The following FRMD4B variants were observed in gnomAD, a reference collection of about 807,000 sequenced individuals.
FRMD4B encodes FERM domain containing 4B.
Under a neutral mutation model 141.5 loss-of-function variants are expected in FRMD4B, and 74 were observed. The observed-to-expected ratio is 0.52, with a 90% confidence interval of 0.43 to 0.63. The LOEUF is 0.63. Among genes scored for constraint, FRMD4B ranks in the 30% least tolerant of loss-of-function variants. The probability of loss-of-function intolerance (pLI) is 0.00; values close to 1 mark genes in which losing one functional copy is unlikely to be tolerated. For synonymous variants in FRMD4B, 506 were observed against 467.9 expected, an observed-to-expected ratio of 1.08 and a Z score of -1.05; for missense variants, 1,366 against 1,253.4, an observed-to-expected ratio of 1.09 and a Z score of -1.36.
intron 1 of FRMD4B, among the ~76,000 whole-genome samples, chr3:69,503,491 C>T (rs563389278): frequency 3.8e-4 from 50 of 130,910 alleles, no homozygotes; most frequent in Admixed American, 2.5e-3. Flanking sequence ...ACAAGGAGAA[C>T]ACTTGGACAC....
intron 11 of FRMD4B, among the ~76,000 whole-genome samples, chr3:69,215,284 C>CTTTGTTTTTTTTTTTTT (rs2093128928): frequency 2.2e-5 from 1 of 45,208 alleles, no homozygotes; most frequent in Non-Finnish European, 4.3e-5. Flanking sequence ...TTGTGACCCT[C>CTTTGTTTTTTTTTTTTT]TTTTTTTTTT....
At chr3:69,221,439 C>T (rs2093193973) in intron 9 of FRMD4B, among the ~76,000 whole-genome samples, 1 of 152,110 alleles carries the variant, frequency 6.6e-6, no homozygotes, top group Non-Finnish European at 1.5e-5. Flanking sequence ...TTTTATTTGG[C>T]TAACATTGCA....
At position 69,260,616 on chromosome 3, in the gene FRMD4B, G is replaced by A. The variant is rs146065860; in HGVS notation, c.502-10517C>T. Among the ~76,000 whole-genome samples, 12 of 152,370 alleles carry A rather than the reference G, an allele frequency of 7.9e-5. No individual in the cohort carries two copies. In the East Asian group the frequency reaches 1.5e-3, roughly 20 times the overall value. ...TGGGCGCCGCCTGGTCCCATCGACCGCCTAAGGGCTGAGGAGTGCAGGCGC... is the reference window on the plus strand; with the variant it reads ...TGGGCGCCGCCTGGTCCCATCGACCACCTAAGGGCTGAGGAGTGCAGGCGC... On this transcript the variant is annotated intron_variant, in intron 5 of 22. Coordinates refer to ENST00000398540, the MANE Select transcript of FRMD4B (RefSeq NM_015123.3).
chr3:69,231,857 T>A (rs1024249464), intron 7 of FRMD4B, among the ~76,000 whole-genome samples: 1 of 152,190 alleles, frequency 6.6e-6, no homozygotes, highest in Non-Finnish European at 1.5e-5. Context: ...GTTTCCATAG[T>A]TTAGGATCAA....
intron 1 of FRMD4B, among the ~76,000 whole-genome samples, chr3:69,366,060 A>AACACAC (rs4063529): frequency 0.015 from 1,951 of 127,156 alleles, 25 homozygotes; most frequent in Non-Finnish European, 0.019. Flanking sequence ...ACCTCTACAA[A>AACACAC]ACACACACAC....
chr3:69,420,740 T>A (rs1438505975), intron 2 of FRMD4B, among the ~76,000 whole-genome samples: 1 of 152,180 alleles, frequency 6.6e-6, no homozygotes, highest in African/African-American at 2.4e-5. Context: ...TGTGTGGATT[T>A]AAGTGGGTAG....
intron 19 of FRMD4B, among the ~76,000 whole-genome samples, chr3:69,185,505 C>T (rs1276139833): frequency 2.0e-5 from 3 of 152,018 alleles, no homozygotes; most frequent in Admixed American, 6.6e-5. Context: ...TGTGGTATAA[C>T]ATGTTCACTG....
intron 1 of FRMD4B, among the ~76,000 whole-genome samples, chr3:69,504,364 A>C (rs1202473662): frequency 2.0e-5 from 3 of 152,170 alleles, no homozygotes; most frequent in African/African-American, 7.2e-5. Flanking sequence ...TAAAGTGTAC[A>C]ATTCAATGGT....
At chr3:69,369,630 A>G (rs1231156159) in intron 1 of FRMD4B, among the ~76,000 whole-genome samples, 2 of 152,190 alleles carry the variant, frequency 1.3e-5, no homozygotes, top group Non-Finnish European at 2.9e-5. Flanking sequence ...TCATTCCCAA[A>G]AAGAATTTGA....
rs751807765 is a variant in FRMD4B at position 69,221,876 on chromosome 3, C to T, written c.713G>A (p.Arg238Gln). The change falls in exon 9 of 23, where the codon CGA becomes CAA. Residue 238 changes from arginine to glutamine, a missense_variant. By Grantham distance (43) the Arg-to-Gln change is conservative. Transcript: ENST00000398540. ...TACTTACTGAACCACAGCTTGACCT[C>T]GAGTGAGACCTTTGATTTTCAAATA... is the stretch of plus-strand genomic sequence containing the variant. ...EHYLKIKGLT[R>Q]GQAVVQYMKI... 45 of 1,562,524 alleles carry T rather than the reference C, an allele frequency of 2.9e-5. No individual in the cohort carries two copies. The highest frequency in any genetic ancestry group is 5.2e-5 in the Admixed American group (3 of 57,894).
intron 5 of FRMD4B, among the ~76,000 whole-genome samples, chr3:69,254,891 T>C (rs2093483811): frequency 6.6e-6 from 1 of 151,930 alleles, no homozygotes; most frequent in Admixed American, 6.6e-5. Context: ...GATCCAGTCA[T>C]GAGGAACCAT....
At chr3:69,487,377 T>C (rs2107010163) in intron 1 of FRMD4B, among the ~76,000 whole-genome samples, 1 of 152,328 alleles carries the variant, frequency 6.6e-6, no homozygotes, top group East Asian at 1.9e-4. Context: ...GGATCTTAAA[T>C]ATTAGCTAAG....
intron 1 of FRMD4B, among the ~76,000 whole-genome samples, chr3:69,385,340 C>G (rs1704222958): frequency 6.6e-6 from 1 of 152,134 alleles, no homozygotes. Context: ...TCAGCTTTTC[C>G]TGGCTCTGCC....
rs1169584495 is a variant in FRMD4B, at chr3:69,496,637, A to AAGAGAGAGAGAGAG, written c.-129+45555_-129+45568dup. ...TGAGAGAGAGAGAGAGAGAGAGAGAAAGAGAGAGAGAGAGAGAGAGAGAGA... is the reference window on the plus strand; with the variant it reads ...TGAGAGAGAGAGAGAGAGAGAGAGAAAGAGAGAGAGAGAGAGAGAGAGAGAGAGAGAGAGAGAGA... On this transcript the variant is annotated intron_variant, in intron 1 of 5. Transcript: ENST00000459638. Among the ~76,000 whole-genome samples the AAGAGAGAGAGAGAG allele has an allele frequency of 5.7e-4, 32 of 56,514 alleles. 1 individual carries two copies. The highest frequency in any genetic ancestry group is 1.1e-3 in the Admixed American group (5 of 4,672). The allele number at this position is 56,514 out of a possible 152,430, so 37.1% of individuals were successfully genotyped here.
chr3:69,272,959 C>T (rs1442900342), intron 5 of FRMD4B, among the ~76,000 whole-genome samples: 1 of 152,082 alleles, frequency 6.6e-6, no homozygotes, highest in African/African-American at 2.4e-5. Flanking sequence ...TTAGGAGAAC[C>T]CTTCTCAGAA....
chr3:69,225,130 T>C (rs961678974), intron 7 of FRMD4B, among the ~76,000 whole-genome samples: 12 of 152,186 alleles, frequency 7.9e-5, no homozygotes, highest in African/African-American at 2.9e-4. Context: ...AAAAGGTTTA[T>C]GTAGTCTTTT....
At position 69,238,617 on chromosome 3, in the gene FRMD4B, C is replaced by G. The variant is rs140932124; in HGVS notation, c.581+10609G>C. Reference sequence around the variant, plus strand: ...TAGGCAACACAGTGAAATCTCATCTCTATGGAAAATACAAAAATTAATCAG... The same window carrying G: ...TAGGCAACACAGTGAAATCTCATCTGTATGGAAAATACAAAAATTAATCAG... On this transcript the variant is annotated intron_variant, in intron 7 of 22. Transcript: ENST00000398540. Among the ~76,000 whole-genome samples, 23 of 152,262 alleles carry G rather than the reference C, an allele frequency of 1.5e-4. No homozygotes were observed. The East Asian group carries it at 4.4e-3, about 29-fold the overall frequency.
chr3:69,191,740 A>C (rs1037311132), intron 17 of FRMD4B, among the ~76,000 whole-genome samples: 9 of 152,222 alleles, frequency 5.9e-5, no homozygotes, highest in Non-Finnish European at 1.3e-4. Flanking sequence ...AATTTTGCAC[A>C]GTTTGAGGAT....
chr3:69,424,536 C>A (rs1705045681), intron 2 of FRMD4B, among the ~76,000 whole-genome samples: 1 of 152,110 alleles, frequency 6.6e-6, no homozygotes, highest in African/African-American at 2.4e-5. Flanking sequence ...ATATAAGAAG[C>A]AAATCCACAG....
Sources: allele counts gnomAD v4.1 joint callset (sites outside exome capture counted in the v4.1 genomes callset), GRCh38; gene constraint gnomAD v4.1.1; transcripts MANE v1.5; gene names NCBI Gene and HGNC (gene_info 2026-07-23, HGNC 2026-07-21).